The following ZNF254 variants were observed in gnomAD, a reference collection of about 807,000 sequenced individuals.
The protein encoded by ZNF254 is CTD-2017D11.1.
In ZNF254, 10 loss-of-function variants were observed where a neutral mutation model predicts 12.4. That is an observed-to-expected ratio of 0.80 (90% confidence interval 0.50 to 1.36). ZNF254 has a LOEUF of 1.36. Ranked by LOEUF, ZNF254 falls within the 40% of genes most tolerant of loss-of-function variation. The pLI is 0.00. For synonymous variants in ZNF254, 305 were observed against 253.4 expected, an observed-to-expected ratio of 1.20 and a Z score of -1.93; for missense variants, 996 against 763.9, an observed-to-expected ratio of 1.30 and a Z score of -3.58.
At chr19:24,117,492 C>T (rs1974169591) in intron 3 of ZNF254, among the ~76,000 whole-genome samples, 1 of 152,204 alleles carries the variant, frequency 6.6e-6, no homozygotes, top group African/African-American at 2.4e-5. Flanking sequence ...GTAGGACCCT[C>T]CGAGCCAGGT....
chr19:24,107,541 TTAAC>T (rs1255282678), intron 3 of ZNF254, among the ~76,000 whole-genome samples: 3 of 152,162 alleles, frequency 2.0e-5, no homozygotes, highest in South Asian at 2.1e-4. Context: ...ATTTTGCTAA[TTAAC>T]TGAGTGTATT....
At chr19:24,073,406 A>G in intron 2 of ZNF254, among the ~76,000 whole-genome samples, 1 of 152,232 alleles carries the variant, frequency 6.6e-6, no homozygotes, top group Non-Finnish European at 1.5e-5. Flanking sequence ...GTTCACAGGT[A>G]TGATTATGAA....
intron 2 of ZNF254, among the ~76,000 whole-genome samples, chr19:24,068,640 C>T (rs1336198993): frequency 5.3e-5 from 8 of 152,018 alleles, no homozygotes; most frequent in African/African-American, 1.9e-4. Context: ...TTAATCCATC[C>T]CCAGCCAAGA....
chr19:24,117,362 C>A (rs550410253), intron 3 of ZNF254, among the ~76,000 whole-genome samples: 3 of 152,142 alleles, frequency 2.0e-5, no homozygotes, highest in Non-Finnish European at 2.9e-5. Flanking sequence ...TTGAGCTTCC[C>A]GGCTGCTTTG....
At chr19:24,120,220 G>A (rs1354050062) in intron 3 of ZNF254, among the ~76,000 whole-genome samples, 4 of 152,068 alleles carry the variant, frequency 2.6e-5, no homozygotes, top group African/African-American at 9.7e-5. Flanking sequence ...GAACAGCACA[G>A]AAAACATCTG....
intron 2 of ZNF254, chr19:24,049,052 C>G (rs1441361608): frequency 6.9e-6 from 1 of 144,298 alleles, no homozygotes; most frequent in Non-Finnish European, 1.5e-5. Flanking sequence ...ATGCCTGGTT[C>G]TATCTCTGTC....
At chr19:24,048,061 G>A (rs1260873517) in intron 2 of ZNF254, among the ~76,000 whole-genome samples, 1 of 141,612 alleles carries the variant, frequency 7.1e-6, no homozygotes, top group Non-Finnish European at 1.5e-5. Context: ...GAGGTAGGTG[G>A]GAAGCTCTCA....
At chr19:24,108,077 C>G (rs1171460549) in intron 3 of ZNF254, among the ~76,000 whole-genome samples, 1 of 152,184 alleles carries the variant, frequency 6.6e-6, no homozygotes, top group Non-Finnish European at 1.5e-5. Context: ...ATGAGCATGG[C>G]TTTCACTGAG....
At chr19:24,087,767 A>G (rs796553347) in intron 1 of ZNF254, among the ~76,000 whole-genome samples, 2 of 152,300 alleles carry the variant, frequency 1.3e-5, no homozygotes, top group African/African-American at 4.8e-5. Flanking sequence ...TAAAAGAATG[A>G]TTCAAAAATT....
chr19:24,106,553 G>A lies in ZNF254; in HGVS notation c.163G>A (p.Ala55Thr), dbSNP rs1344086448. 1.9e-6 allele frequency: 3 copies of A among 1,578,128 alleles called. No homozygotes were observed. Among genetic ancestry groups the A allele is most frequent in the African/African-American group, 1.4e-5 (1 of 73,964 alleles). ...NYRNLAFLGI[A>T]VSKPDLITCL... is the part of the protein sequence containing the mutation. ...AGTTATTTTTAATAAAACAGGTATT[G>A]CTGTCTCTAAGCCAGACCTGATCAC... The change falls in exon 3 of 4, where the codon GCT becomes ACT. Residue 55 changes from alanine to threonine, a missense_variant. Ala to Thr is a moderately conservative substitution (Grantham distance 58, BLOSUM62 0). Coordinates refer to ENST00000357002, the MANE Select transcript of ZNF254 (RefSeq NM_203282.4).
intron 3 of ZNF254, among the ~76,000 whole-genome samples, chr19:24,110,863 T>A (rs1460599262): frequency 1.3e-5 from 2 of 152,158 alleles, no homozygotes; most frequent in East Asian, 3.8e-4. Flanking sequence ...ATTTTTTTTT[T>A]TCACTGTTAA....
At chr19:24,044,172 G>T (rs1294332392) in intron 1 of ZNF254, among the ~76,000 whole-genome samples, 6 of 147,568 alleles carry the variant, frequency 4.1e-5, no homozygotes, top group African/African-American at 1.3e-4. Context: ...CCCGGGAGGC[G>T]GAGGTTGCAC....
intron 1 of ZNF254, among the ~76,000 whole-genome samples, chr19:24,095,595 C>T (rs970648891): frequency 1.3e-5 from 2 of 152,118 alleles, no homozygotes; most frequent in East Asian, 3.9e-4. Flanking sequence ...GGTTTCATTT[C>T]TTTTTTGTTA....
chr19:24,101,087 C>T (rs776110887), intron 1 of ZNF254, among the ~76,000 whole-genome samples: 8 of 152,116 alleles, frequency 5.3e-5, no homozygotes, highest in Non-Finnish European at 8.8e-5. Flanking sequence ...TCAGGGGATC[C>T]GCCTGCCTTG....
intron 2 of ZNF254, among the ~76,000 whole-genome samples, chr19:24,053,744 C>T (rs1344691057): frequency 6.6e-6 from 1 of 151,498 alleles, no homozygotes; most frequent in East Asian, 1.9e-4. Flanking sequence ...TGCATGGGCC[C>T]TGTCCACAGA....
chr19:24,123,589 G>GACAC (rs537202177), intron 3 of ZNF254, among the ~76,000 whole-genome samples: 2 of 151,130 alleles, frequency 1.3e-5, no homozygotes, highest in South Asian at 4.2e-4. Context: ...CCTAATGTGA[G>GACAC]ACACACACAC....
chr19:24,074,323 C>T (rs1318473287), intron 2 of ZNF254, among the ~76,000 whole-genome samples: 1 of 152,194 alleles, frequency 6.6e-6, no homozygotes, highest in Non-Finnish European at 1.5e-5. Flanking sequence ...GTAGGTTCTG[C>T]TCTCAATGTA....
At position 24,049,214 on chromosome 19, in the gene ZNF254, A is replaced by ATATT. The variant is rs1160333151; in HGVS notation, c.-94+2936_-94+2937insATTT. Among the ~76,000 whole-genome samples, 212 of 40,790 alleles carry ATATT rather than the reference A, an allele frequency of 5.2e-3. 1 individual carries two copies. The highest frequency in any genetic ancestry group is 9.4e-3 in the East Asian group (20 of 2,122). 26.8% of individuals were successfully genotyped at this position (40,790 alleles called of 152,430 possible). On this transcript the variant is annotated intron_variant, in intron 2 of 4. Transcript: ENST00000613065. ...TATATATATATATATATATATATAT[A>ATATT]TTTTTTTTTTTTTTTTAATTTATTT...
chr19:24,060,155 C>G (rs913228701), intron 2 of ZNF254, among the ~76,000 whole-genome samples: 2 of 152,182 alleles, frequency 1.3e-5, no homozygotes, highest in African/African-American at 4.8e-5. Context: ...GGTTTCAATA[C>G]CCAGGTGATG....
Sources: allele counts gnomAD v4.1 joint callset (sites outside exome capture counted in the v4.1 genomes callset), GRCh38; gene constraint gnomAD v4.1.1; transcripts MANE v1.5; gene names NCBI Gene and HGNC (gene_info 2026-07-23, HGNC 2026-07-21).